The following DCHS2 variants were observed in gnomAD, a reference collection of about 807,000 sequenced individuals.
The protein encoded by DCHS2 is protocadherin-23.
In DCHS2, 142 loss-of-function variants were observed where a neutral mutation model predicts 182.4. The observed-to-expected ratio is 0.78, with a 90% CI of 0.68 to 0.89. The LOEUF is 0.89. Ranked by LOEUF, DCHS2 falls within the 40% of genes least tolerant of loss-of-function variation. The pLI, the probability that DCHS2 is intolerant of heterozygous loss-of-function variation, is 0.00. For synonymous variants in DCHS2, 1,740 were observed against 1,663.3 expected (o/e 1.05, Z -1.12); for missense variants, 4,319 against 4,198.6 (o/e 1.03, Z -0.79).
chr4:154,420,301 ATACG>A (rs1348038147), intron 1 of DCHS2, among the ~76,000 whole-genome samples: 1 of 150,342 alleles, frequency 6.7e-6, no homozygotes, highest in Admixed American at 6.7e-5. Flanking sequence ...AGATAGATAG[ATACG>A]TACGTACATA....
At position 154,298,405 on chromosome 4, in the gene DCHS2, T is replaced by C. The variant is rs1735051209; in HGVS notation, c.5909A>G (p.Tyr1970Cys). ...ACCAGAAGCCTCATCAGTCAGAAAA[T>C]ACTCAGTTTGCCCATTCAGGCCTTC... ...KDEGLNGQTE[Y>C]FLTDEASGAF... The change falls in exon 13 of 20, where the codon TAT becomes TGT. Residue 1970 changes from tyrosine to cysteine, a missense_variant. By Grantham distance (194) the Tyr-to-Cys change is radical. Transcript: ENST00000357232. The C allele has an allele frequency of 1.9e-6, 3 of 1,613,982 alleles. No homozygotes were observed. Among genetic ancestry groups the C allele is most frequent in the Non-Finnish European group, 2.5e-6 (3 of 1,180,002 alleles).
At chr4:154,417,658 A>C (rs1026605247) in intron 1 of DCHS2, among the ~76,000 whole-genome samples, 3 of 152,236 alleles carry the variant, frequency 2.0e-5, no homozygotes, top group Admixed American at 2.0e-4. Context: ...GATTTCACTG[A>C]GCACCCTTTT....
chr4:154,461,192 A>C (rs769977648), intron 1 of DCHS2, among the ~76,000 whole-genome samples: 97 of 152,278 alleles, frequency 6.4e-4, no homozygotes, highest in Non-Finnish European at 2.2e-4. Context: ...TTCAAATGCA[A>C]TTTTAGGCCC....
chr4:154,362,272 G>A (rs1730159010), intron 3 of DCHS2, among the ~76,000 whole-genome samples: 1 of 152,148 alleles, frequency 6.6e-6, no homozygotes, highest in South Asian at 2.1e-4. Flanking sequence ...GGAGAGTTTT[G>A]AGGAAACGTG....
intron 16 of DCHS2, among the ~76,000 whole-genome samples, chr4:154,247,469 C>T (rs1220843391): frequency 6.6e-6 from 1 of 151,560 alleles, no homozygotes; most frequent in African/African-American, 2.4e-5. Context: ...TGGTGAAACC[C>T]CATCTCTACT....
At chr4:154,395,398 C>T (rs1731886221) in intron 1 of DCHS2, among the ~76,000 whole-genome samples, 1 of 152,132 alleles carries the variant, frequency 6.6e-6, no homozygotes, top group South Asian at 2.1e-4. Flanking sequence ...GTTCTTGGCC[C>T]TCTGAATGCC....
chr4:154,412,975 T>C (rs1732692036), intron 1 of DCHS2, among the ~76,000 whole-genome samples: 1 of 151,872 alleles, frequency 6.6e-6, no homozygotes, highest in South Asian at 2.1e-4. Context: ...GAAAGAGAAA[T>C]AGAGAGGAAA....
At chr4:154,303,344 AAC>A (rs958100218) in intron 12 of DCHS2, among the ~76,000 whole-genome samples, 15 of 152,246 alleles carry the variant, frequency 9.9e-5, no homozygotes, top group African/African-American at 3.4e-4. Flanking sequence ...TGATTGATAT[AAC>A]AGTCTTATTT....
At chr4:154,416,017 G>A (rs1732819035) in intron 1 of DCHS2, among the ~76,000 whole-genome samples, 1 of 150,558 alleles carries the variant, frequency 6.6e-6, no homozygotes, top group Non-Finnish European at 1.5e-5. Context: ...ATTCTTGCAC[G>A]TGGTTTATAA....
intron 1 of DCHS2, among the ~76,000 whole-genome samples, chr4:154,410,659 A>G (rs568603546): frequency 2.0e-5 from 3 of 151,726 alleles, no homozygotes; most frequent in Non-Finnish European, 4.4e-5. Context: ...TTCACATTAT[A>G]AGAGTTGCAG....
intron 10 of DCHS2, among the ~76,000 whole-genome samples, chr4:154,306,859 A>G (rs1019252754): frequency 3.9e-5 from 6 of 152,142 alleles, no homozygotes; most frequent in Non-Finnish European, 7.4e-5. Context: ...ATAAATTCAG[A>G]TCTTTCTGCT....
chr4:154,357,308 C>A, intron 3 of DCHS2: 4 of 1,612,132 alleles, frequency 2.5e-6, no homozygotes, highest in Non-Finnish European at 3.4e-6. Context: ...GAATTTCTAC[C>A]TCTGGACTAT....
intron 1 of DCHS2, among the ~76,000 whole-genome samples, chr4:154,409,293 C>A (rs966258046): frequency 6.6e-6 from 1 of 152,074 alleles, no homozygotes; most frequent in Admixed American, 6.5e-5. Flanking sequence ...CATACTTGAC[C>A]CCACAGAATC....
rs1403928658 is a variant in DCHS2 at position 154,235,964 on chromosome 4, T to C, written c.8688A>G (p.Arg2896=). The change falls in exon 20 of 20, where the codon AGA becomes AGG. Residue 2896 remains arginine (R), a synonymous_variant. Coordinates refer to ENST00000357232, the MANE Select transcript of DCHS2 (RefSeq NM_001358235.2). The stretch of plus-strand genomic sequence containing the variant: ...AGGCTTCCACTCTGCCAATCAACTG[T>C]CTGTCTTTATTCTTTTCTGGGAGGG... ...FFTLPEKNKD[R]QLIGRVEASD... 1.2e-6 allele frequency: 2 copies of C among 1,613,954 alleles called. No individual in the cohort carries two copies. Among genetic ancestry groups the C allele is most frequent in the East Asian group, 4.5e-5 (2 of 44,874 alleles).
intron 13 of DCHS2, among the ~76,000 whole-genome samples, chr4:154,289,912 G>C (rs1413447716): frequency 1.3e-5 from 2 of 151,694 alleles, no homozygotes; most frequent in Admixed American, 1.3e-4. Flanking sequence ...CAACAAACTG[G>C]GTATAGAAGA....
chr4:154,320,629 A>G lies in DCHS2; in HGVS notation c.4770T>C (p.Ser1590=). 6.2e-7 allele frequency: 1 copy of G among 1,614,170 alleles called. No homozygotes were observed. Among genetic ancestry groups the G allele is most frequent in the Non-Finnish European group, 8.5e-7 (1 of 1,180,026 alleles). The change falls in exon 9 of 20, where the codon TCT becomes TCC. Residue 1590 remains serine (S), a synonymous_variant. Transcript: ENST00000357232. ...IPTVILTVTA[S]DQAVNVTDRR... ...GGTCTGTCACATTCACAGCCTGATC[A>G]GATGCTGTTACTGTCAGGATGACAG...
chr4:154,297,213 T>C (rs1251081544), intron 13 of DCHS2, among the ~76,000 whole-genome samples: 1 of 152,184 alleles, frequency 6.6e-6, no homozygotes, highest in Non-Finnish European at 1.5e-5. Flanking sequence ...AACAGCTTCC[T>C]TAACTGTCAT....
intron 10 of DCHS2, among the ~76,000 whole-genome samples, chr4:154,313,681 A>C (rs1735752334): frequency 6.6e-6 from 1 of 152,226 alleles, no homozygotes; most frequent in Non-Finnish European, 1.5e-5. Context: ...ACGTGCATAC[A>C]CACAAATATT....
At chr4:154,290,711 G>T (rs1398283596) in intron 13 of DCHS2, among the ~76,000 whole-genome samples, 2 of 152,028 alleles carry the variant, frequency 1.3e-5, no homozygotes, top group African/African-American at 4.8e-5. Flanking sequence ...TCAACAAATG[G>T]TGCTGGAAAA....
Sources: gnomAD v4.1 joint callset for allele counts (sites outside exome capture counted in the v4.1 genomes callset) on GRCh38, gnomAD v4.1.1 for gene constraint, MANE v1.5 for transcripts, NCBI Gene and HGNC (gene_info 2026-07-23, HGNC 2026-07-21) for gene names.